PSG7: variants seen among roughly 807,000 people sequenced by gnomAD.
PSG7 encodes the protein pregnancy-specific beta-1-glycoprotein 7.
Under a neutral mutation model 45.6 loss-of-function variants are expected in PSG7, and 57 were observed. That is an observed-to-expected ratio of 1.25 (90% confidence interval 1.01 to 1.56). The LOEUF (loss-of-function observed/expected upper bound fraction) is 1.56. Ranked by LOEUF, PSG7 falls within the 40% of genes most tolerant of loss-of-function variation. The probability of loss-of-function intolerance (pLI) is 0.00; values close to 1 mark genes in which losing one functional copy is unlikely to be tolerated. For missense variants in PSG7, 796 were observed against 508.4 expected (o/e 1.57, Z -5.44); for synonymous variants, 298 against 194.4 (o/e 1.53, Z -4.43).
At chr19:42,928,748 C>T (rs7246231) in intron 3 of PSG7, among the ~76,000 whole-genome samples, 4 of 151,236 alleles carry the variant, frequency 2.6e-5, no homozygotes, top group Non-Finnish European at 5.9e-5. Flanking sequence ...GATAGACTTC[C>T]CTGGAAAACA....
intron 3 of PSG7, among the ~76,000 whole-genome samples, chr19:42,927,920 T>G (rs1410365407): frequency 6.6e-6 from 1 of 151,730 alleles, no homozygotes; most frequent in African/African-American, 2.4e-5. Flanking sequence ...TTGCATTTCT[T>G]TCATTTTTTG....
At position 42,935,833 on chromosome 19, in the gene PSG7, C is replaced by G. The variant is rs1327323281; in HGVS notation, c.65-64G>C. 1.3e-5 allele frequency: 20 copies of G among 1,540,414 alleles called. 2 individuals carry two copies. The African/African-American group carries it at 2.4e-4, about 18-fold the overall frequency. ...ATGTGTTGGGTTGAAAAGATGGGCC[C>G]CTGGGTCCTGAGAAGGTCTCTTCAA... On this transcript the variant is annotated intron_variant, in intron 1 of 5. Coordinates refer to ENST00000406070, the MANE Select transcript of PSG7 (RefSeq NM_002783.3).
chr19:42,926,132 A>C, intron 4 of PSG7, 105 bp from the exon 5 acceptor site: 2 of 1,510,262 alleles, frequency 1.3e-6, no homozygotes, highest in Non-Finnish European at 8.9e-7. Context: ...ACACACCCTC[A>C]AGTGACAGCC....
chr19:42,930,807 T>A (rs1368754415), intron 2 of PSG7, among the ~76,000 whole-genome samples: 1 of 151,512 alleles, frequency 6.6e-6, no homozygotes, highest in African/African-American at 2.4e-5. Flanking sequence ...GTGGTTTCAG[T>A]TATGCAGGAT....
chr19:42,930,478 G>A (rs1011501282), intron 2 of PSG7, among the ~76,000 whole-genome samples: 2 of 151,710 alleles, frequency 1.3e-5, no homozygotes, highest in Admixed American at 6.6e-5. Flanking sequence ...TTCCCCTGTA[G>A]AGGGCAGGTG....
Position 42,925,885 on chromosome 19 carries a change from T to C in PSG7, c.1131A>G (p.Gln377=). The C allele has an allele frequency of 6.2e-7, 1 of 1,612,096 alleles. No individual in the cohort carries two copies. Among genetic ancestry groups the C allele is most frequent in the Non-Finnish European group, 8.5e-7 (1 of 1,179,102 alleles). ...TINGKFQLSG[Q]KLSIPQITTK... ...TAGTAATCTGGGGGATAGAAAGCTT[T>C]TGTCCTGATAGCTGAAACTTCCCAT... The change falls in exon 5 of 6, where the codon CAA becomes CAG. Residue 377 remains glutamine (Q), a synonymous_variant. Coordinates refer to ENST00000406070, the MANE Select transcript of PSG7 (RefSeq NM_002783.3).
In PSG7 at chr19:42,926,991, G is replaced by A. The variant is rs115939260; in HGVS notation, c.710-275C>T. On this transcript the variant is annotated intron_variant, in intron 3 of 5. Transcript: ENST00000406070. Reference sequence around the variant, plus strand: ...CAGACATGTCAGTGGGAGTCACAGCGCCTGGTACCCCTCCCAGTCCCTCAC... The same window carrying A: ...CAGACATGTCAGTGGGAGTCACAGCACCTGGTACCCCTCCCAGTCCCTCAC... 3,316 of 572,958 alleles carry A rather than the reference G, an allele frequency of 5.8e-3. 156 individuals carry two copies. Among genetic ancestry groups the A allele is most frequent in the African/African-American group, 0.056 (2,998 of 53,538 alleles). The allele number at this position is 572,958 out of a possible 1,614,324, so 35.5% of individuals were successfully genotyped here. A position where few individuals can be genotyped will look rare whatever the true frequency, so the allele number is the denominator to read the frequency against.
intron 3 of PSG7, among the ~76,000 whole-genome samples, chr19:42,928,392 A>G (rs1394893642): frequency 6.6e-6 from 1 of 151,530 alleles, no homozygotes; most frequent in African/African-American, 2.4e-5. Flanking sequence ...CTTTCTAACA[A>G]TATTGATTCT....
rs550362715 is a variant in PSG7 at position 42,937,164 on chromosome 19, T to G, written c.-88A>C. 694 of 1,533,088 alleles carry G rather than the reference T, an allele frequency of 4.5e-4. 16 individuals carry two copies. The African/African-American group carries it at 7.7e-3, about 17-fold the overall frequency. 95.0% of individuals were successfully genotyped at this position (1,533,088 alleles called of 1,614,324 possible). A position where few individuals can be genotyped will look rare whatever the true frequency, so the allele number is the denominator to read the frequency against. ...GCACGGCTGTCAGCTGTGCTGTCCT[T>G]CCTCCTTCTGCACTGAGCCTCTTCC... On this transcript the variant is annotated 5_prime_UTR_variant, in exon 1 of 6. Coordinates refer to ENST00000406070, the MANE Select transcript of PSG7 (RefSeq NM_002783.3).
chr19:42,934,394 G>A lies in PSG7; in HGVS notation c.430+1010C>T, dbSNP rs924148470. 2.0e-3 allele frequency among the ~76,000 whole-genome samples: 303 copies of A among 151,484 alleles called. 9 individuals are homozygous for A. Among genetic ancestry groups the A allele is most frequent in the African/African-American group, 6.8e-3 (282 of 41,238 alleles). The stretch of plus-strand genomic sequence containing the variant: ...AAGCCCTCACTTCTGGTGGAGGAGA[G>A]GATGGGCCTGTGGCTGCAGACAGAC... On this transcript the variant is annotated intron_variant, in intron 2 of 5. Coordinates refer to ENST00000406070, the MANE Select transcript of PSG7 (RefSeq NM_002783.3).
At chr19:42,924,864 C>A (rs902370837) in intron 5 of PSG7, 40 bp from the exon 6 acceptor site, 15 of 764,124 alleles carry the variant, frequency 2.0e-5, no homozygotes, top group African/African-American at 1.2e-4. Flanking sequence ...ATGAACAGAG[C>A]TGCAATCTCA....
At chr19:42,934,162 A>G (rs1056498707) in intron 2 of PSG7, among the ~76,000 whole-genome samples, 1 of 151,428 alleles carries the variant, frequency 6.6e-6, no homozygotes, top group Non-Finnish European at 1.5e-5. Context: ...TGGGAAACAC[A>G]GGATTTCAGG....
In PSG7 at chr19:42,927,751, G is replaced by T. The variant is rs374028882; in HGVS notation, c.710-1035C>A. Among the ~76,000 whole-genome samples the T allele has an allele frequency of 2.2e-4, 34 of 151,750 alleles. No homozygotes were observed. The East Asian group carries it at 4.9e-3, about 22-fold the overall frequency. On this transcript the variant is annotated intron_variant, in intron 3 of 5. Transcript: ENST00000406070. ...TGAATATGAGAAGAGACTGCTGGTT[G>T]CCAGGAGCTGGGAGTGGGGAGAATC...
chr19:42,927,000 C>T lies in PSG7; in HGVS notation c.710-284G>A, dbSNP rs1418662490. 7.7e-6 allele frequency: 4 copies of T among 519,364 alleles called. No homozygotes were observed. The East Asian group carries it at 1.4e-4, about 18-fold the overall frequency. The allele number at this position is 519,364 out of a possible 1,614,324, so 32.2% of individuals were successfully genotyped here. On this transcript the variant is annotated intron_variant, in intron 3 of 5. Coordinates refer to ENST00000406070, the MANE Select transcript of PSG7 (RefSeq NM_002783.3). ...CAGTGGGAGTCACAGCGCCTGGTAC[C>T]CCTCCCAGTCCCTCACTAATGAGTT...
chr19:42,925,095 A>C, intron 5 of PSG7: 1 of 503,944 alleles, frequency 2.0e-6, no homozygotes. Context: ...AAGGAATCTC[A>C]GATTAAACCT....
chr19:42,935,936 A>G (rs1435167462), intron 1 of PSG7, among the ~76,000 whole-genome samples, 167 bp from the exon 2 acceptor site: 5 of 150,280 alleles, frequency 3.3e-5, no homozygotes, highest in Admixed American at 6.7e-5. Flanking sequence ...ACACATATAA[A>G]AGGGGCATGT....
At chr19:42,931,349 G>GA (rs200322127) in intron 2 of PSG7, among the ~76,000 whole-genome samples, 24,065 of 151,254 alleles carry the variant, frequency 0.16, 2,465 homozygotes, top group African/African-American at 0.2. Context: ...AAGGTGATTT[G>GA]AATTAGCAGC....
chr19:42,925,711 C>T (rs765975158), intron 5 of PSG7, 62 bp downstream of exon 5: 3 of 1,608,294 alleles, frequency 1.9e-6, no homozygotes, highest in East Asian at 4.5e-5. Context: ...CCTGACTTTT[C>T]TCTGAAAGTC....
intron 3 of PSG7, among the ~76,000 whole-genome samples, chr19:42,928,665 A>G (rs980408251): frequency 6.6e-6 from 1 of 151,374 alleles, no homozygotes; most frequent in Admixed American, 6.6e-5. Context: ...TGGAGCAGAA[A>G]TATATTCCCT....
Sources: allele counts gnomAD v4.1 joint callset (sites outside exome capture counted in the v4.1 genomes callset), GRCh38; gene constraint gnomAD v4.1.1; transcripts MANE v1.5; gene names NCBI Gene and HGNC (gene_info 2026-07-23, HGNC 2026-07-21).